The following COQ8B variants were observed in gnomAD, a reference collection of about 807,000 sequenced individuals.
The protein encoded by COQ8B is atypical kinase COQ8B, mitochondrial.
A neutral mutation model predicts 62.0 loss-of-function variants in COQ8B; 44 were observed. That is an observed-to-expected ratio of 0.71 (90% CI 0.56 to 0.91). The LOEUF (loss-of-function observed/expected upper bound fraction) is 0.91, where lower values mean the gene tolerates loss of function less well. Among genes scored for constraint, COQ8B ranks in the 40% least tolerant of loss-of-function variants. COQ8B has a pLI of 0.00. For missense variants in COQ8B, 649 were observed against 731.6 expected (o/e 0.89, Z 1.30); for synonymous variants, 252 against 289.9 (o/e 0.87, Z 1.33).
At chr19:40,700,482 T>C in intron 10 of COQ8B, 31 bp from the exon 11 acceptor site, 5 of 1,605,308 alleles carry the variant, frequency 3.1e-6, no homozygotes, top group Non-Finnish European at 4.3e-6. Context: ...GGAAGGGGAC[T>C]TCGTGCTTCA....
chr19:40,710,111 T>A lies in COQ8B; in HGVS notation c.315A>T (p.Gly105=), dbSNP rs1179984331. 1 of 1,614,050 alleles carries A rather than the reference T, an allele frequency of 6.2e-7. No homozygotes were observed. Among genetic ancestry groups the A allele is most frequent in the East Asian group, 2.2e-5 (1 of 44,872 alleles). The change falls in exon 5 of 15, where the codon GGA becomes GGT. Residue 105 remains glycine (G), a synonymous_variant. Transcript: ENST00000324464. ...FGGLAVGLGL[G]VLAEMAKKSM... is the part of the protein sequence containing the mutation. ...ACTTCTTAGCCATCTCGGCCAGTAC[T>A]CCTAGCCCCAAGCCCACAGCCAGTC... is the stretch of plus-strand genomic sequence containing the variant.
In COQ8B at chr19:40,692,091, C is replaced by T. The variant is rs763305708; in HGVS notation, c.1579G>A (p.Ala527Thr). ...HRYWASRQPD[A>T]ATAGSLPTKG... Reference sequence around the variant, plus strand: ...GTGGGGAGGCTGCCGGCAGTGGCTGCGTCTGGCTGGCGACTGGCCCAGTAG... The same window carrying T: ...GTGGGGAGGCTGCCGGCAGTGGCTGTGTCTGGCTGGCGACTGGCCCAGTAG... The change falls in exon 15 of 15, where the codon GCA (alanine) becomes ACA (threonine). Residue 527 changes from alanine to threonine, a missense_variant. Transcript: ENST00000324464. 13 of 1,608,742 alleles carry T rather than the reference C, an allele frequency of 8.1e-6. No homozygotes were observed. In the Middle Eastern group the frequency reaches 5.0e-4, roughly 62 times the overall value.
In COQ8B at chr19:40,716,666, C is replaced by G. The variant is rs969797239; in HGVS notation, c.-83G>C. 1 of 152,464 alleles carries G rather than the reference C, an allele frequency of 6.6e-6. No homozygotes were observed. Among genetic ancestry groups the G allele is most frequent in the African/African-American group, 2.4e-5 (1 of 41,578 alleles). 9.4% of individuals were successfully genotyped at this position (152,464 alleles called of 1,614,324 possible). ...GCAGAGGAAGGTCTCGAACCCACAC[C>G]CGTGGGAACTCCAAGTCTTTGAAAG... On this transcript the variant is annotated 5_prime_UTR_variant, in exon 1 of 15. Coordinates refer to ENST00000324464, the MANE Select transcript of COQ8B (RefSeq NM_024876.4).
At chr19:40,716,267 G>C (rs2082184440) in intron 1 of COQ8B, among the ~76,000 whole-genome samples, 1 of 152,154 alleles carries the variant, frequency 6.6e-6, no homozygotes, top group African/African-American at 2.4e-5. Flanking sequence ...CCCTTCAGAG[G>C]TGAACGGCTG....
chr19:40,710,220 A>G, intron 4 of COQ8B, 84 bp from the exon 5 acceptor site: 1 of 1,253,534 alleles, frequency 8.0e-7, no homozygotes, highest in Non-Finnish European at 1.2e-6. Flanking sequence ...GTTTTTCTCC[A>G]AGAATGCTTG....
intron 12 of COQ8B, among the ~76,000 whole-genome samples, chr19:40,697,234 C>A (rs1294583293): frequency 6.6e-6 from 1 of 152,032 alleles, no homozygotes; most frequent in Non-Finnish European, 1.5e-5. Context: ...GCCTCAGCCT[C>A]CTGGGTAGCT....
intron 12 of COQ8B, among the ~76,000 whole-genome samples, chr19:40,697,851 T>TATAGAGAGAGAG (rs1446181673): frequency 1.3e-4 from 7 of 54,722 alleles, no homozygotes; most frequent in East Asian, 4.4e-4. Context: ...TATATATATA[T>TATAGAGAGAGAG]AGAGAGAGAG....
intron 5 of COQ8B, among the ~76,000 whole-genome samples, chr19:40,707,158 A>C (rs1364776062): frequency 2.0e-5 from 3 of 151,916 alleles, no homozygotes; most frequent in African/African-American, 7.3e-5. Flanking sequence ...AGTCCCAGCT[A>C]CTCAGGAGGC....
intron 12 of COQ8B, among the ~76,000 whole-genome samples, chr19:40,698,570 T>C (rs2082037364): frequency 6.7e-6 from 1 of 149,504 alleles, no homozygotes; most frequent in Non-Finnish European, 1.5e-5. Context: ...TGGAAACCAA[T>C]AAATTGATGT....
intron 9 of COQ8B, 134 bp from the exon 10 acceptor site, chr19:40,702,827 G>A: frequency 1.3e-6 from 1 of 769,068 alleles, no homozygotes. Flanking sequence ...ACCCACATCT[G>A]TCCCTCTCCT....
chr19:40,705,688 A>C lies in COQ8B; in HGVS notation c.368-241T>G, dbSNP rs531983974. Among the ~76,000 whole-genome samples the C allele has an allele frequency of 6.1e-4, 93 of 152,312 alleles. 1 individual carries two copies. Among genetic ancestry groups the C allele is most frequent in the African/African-American group, 2.2e-3 (92 of 41,572 alleles). On this transcript the variant is annotated intron_variant, in intron 5 of 14. Transcript: ENST00000324464. ...GCCAGGCTTGTTGGCTCGCGCCTATAATCCCAACACTGGGAGGTCAATGCA... is the reference window on the plus strand; with the variant it reads ...GCCAGGCTTGTTGGCTCGCGCCTATCATCCCAACACTGGGAGGTCAATGCA...
chr19:40,714,483 G>A, intron 2 of COQ8B, 48 bp downstream of exon 2: 2 of 1,613,716 alleles, frequency 1.2e-6, no homozygotes, highest in East Asian at 2.2e-5. Context: ...ACCCTCTGAA[G>A]TCTCCCTCAG....
intron 4 of COQ8B, among the ~76,000 whole-genome samples, chr19:40,710,652 C>T (rs1254222790): frequency 6.6e-6 from 1 of 152,174 alleles, no homozygotes; most frequent in South Asian, 2.1e-4. Context: ...TTAACCCTTT[C>T]TCCATGTCTC....
chr19:40,709,940 TA>T (rs2082128135), intron 5 of COQ8B, 118 bp downstream of exon 5: 1 of 966,330 alleles, frequency 1.0e-6, no homozygotes, highest in Non-Finnish European at 1.6e-6. Context: ...AAGAGGTGGG[TA>T]AATTATCACC....
chr19:40,712,350 G>T (rs11671127), intron 4 of COQ8B, among the ~76,000 whole-genome samples: 23,683 of 150,688 alleles, frequency 0.16, 2,038 homozygotes, highest in Middle Eastern at 0.2. Context: ...CAAGGCAGGC[G>T]GATCATGAGG....
chr19:40,709,891 A>G (rs948361675), intron 5 of COQ8B, among the ~76,000 whole-genome samples, 168 bp downstream of exon 5: 1 of 152,158 alleles, frequency 6.6e-6, no homozygotes, highest in African/African-American at 2.4e-5. Context: ...TGACCCTGAT[A>G]GTGGTTTAGG....
At chr19:40,699,277 T>A (rs1476656264) in intron 12 of COQ8B, among the ~76,000 whole-genome samples, 1 of 152,052 alleles carries the variant, frequency 6.6e-6, no homozygotes, top group Non-Finnish European at 1.5e-5. Context: ...TAATGGCACT[T>A]GCTTTAAGAA....
At chr19:40,700,238 G>A (rs2144693160) in intron 11 of COQ8B, 64 bp from the exon 12 acceptor site, 4 of 1,612,260 alleles carry the variant, frequency 2.5e-6, no homozygotes, top group Middle Eastern at 3.3e-4. Context: ...CTGCTGGCCT[G>A]GAGAGAGACC....
At chr19:40,709,534 C>T (rs1250782485) in intron 5 of COQ8B, among the ~76,000 whole-genome samples, 2 of 152,164 alleles carry the variant, frequency 1.3e-5, no homozygotes, top group African/African-American at 4.8e-5. Flanking sequence ...CTCCCAATGG[C>T]TTAAATGTTT....
Sources: gnomAD v4.1 joint callset for allele counts (sites outside exome capture counted in the v4.1 genomes callset) on GRCh38, gnomAD v4.1.1 for gene constraint, MANE v1.5 for transcripts, NCBI Gene and HGNC (gene_info 2026-07-23, HGNC 2026-07-21) for gene names.